DEPTOR: variants seen among roughly 807,000 people sequenced by gnomAD.
DEPTOR encodes the protein DEP domain-containing mTOR-interacting protein.
Under a neutral mutation model 41.6 loss-of-function variants are expected in DEPTOR, and 41 were observed. That is an observed-to-expected ratio of 0.98 (90% confidence interval 0.77 to 1.28). DEPTOR has a LOEUF of 1.28. Among genes scored for constraint, DEPTOR ranks in the 50% most tolerant of loss-of-function variants. The pLI is 0.00. For synonymous variants in DEPTOR, 195 were observed against 192.3 expected (o/e 1.01, Z -0.12); for missense variants, 514 against 527.9 (o/e 0.97, Z 0.26).
chr8:119,958,492 T>G (rs1455261657), intron 3 of DEPTOR, among the ~76,000 whole-genome samples: 1 of 151,728 alleles, frequency 6.6e-6, no homozygotes, highest in Non-Finnish European at 1.5e-5. Flanking sequence ...ACCTTAGAAG[T>G]TGCATAACGT....
intron 5 of DEPTOR, among the ~76,000 whole-genome samples, 186 bp from the exon 6 acceptor site, chr8:120,002,791 A>ATATATATATATATATATATATATAT (rs1554584639): frequency 1.6e-5 from 1 of 60,672 alleles, no homozygotes; most frequent in Non-Finnish European, 2.9e-5. Flanking sequence ...AAAAAAAAAA[A>ATATATATATATATATATATATATAT]ATATATATAT....
intron 1 of DEPTOR, among the ~76,000 whole-genome samples, chr8:119,917,670 C>T (rs183085811): frequency 1.3e-5 from 2 of 152,260 alleles, no homozygotes; most frequent in Non-Finnish European, 2.9e-5. Flanking sequence ...AATATGGCCT[C>T]GTGGGAAGGG....
chr8:119,920,556 A>G (rs1827876900), intron 1 of DEPTOR, among the ~76,000 whole-genome samples: 1 of 152,234 alleles, frequency 6.6e-6, no homozygotes, highest in Admixed American at 6.5e-5. Flanking sequence ...CATTCTAAGC[A>G]GAGGCATGGA....
chr8:119,920,065 A>T (rs1326812746), intron 1 of DEPTOR, among the ~76,000 whole-genome samples: 1 of 151,844 alleles, frequency 6.6e-6, no homozygotes, highest in Non-Finnish European at 1.5e-5. Context: ...AAGCCTGTGA[A>T]CCAGCTGTCT....
chr8:120,011,367 C>T (rs554561546), intron 8 of DEPTOR, among the ~76,000 whole-genome samples: 13 of 152,286 alleles, frequency 8.5e-5, no homozygotes, highest in South Asian at 4.2e-4. Context: ...TCTACCTTCC[C>T]AGGACTGCAG....
intron 1 of DEPTOR, among the ~76,000 whole-genome samples, chr8:119,880,744 G>A (rs893295768): frequency 3.3e-5 from 5 of 152,078 alleles, no homozygotes; most frequent in African/African-American, 1.2e-4. Flanking sequence ...AAGTGAATTT[G>A]GACTCCACTG....
At chr8:119,939,093 A>T (rs1828167198) in intron 3 of DEPTOR, among the ~76,000 whole-genome samples, 1 of 152,116 alleles carries the variant, frequency 6.6e-6, no homozygotes, top group African/African-American at 2.4e-5. Context: ...ACATAAAGCA[A>T]ACTCAGTGTT....
intron 3 of DEPTOR, among the ~76,000 whole-genome samples, chr8:119,958,487 A>G (rs1828446751): frequency 6.6e-6 from 1 of 151,988 alleles, no homozygotes; most frequent in South Asian, 2.1e-4. Context: ...TTATCACCTT[A>G]GAAGTTGCAT....
At chr8:120,017,679 G>A (rs1456973436) in intron 8 of DEPTOR, among the ~76,000 whole-genome samples, 1 of 152,194 alleles carries the variant, frequency 6.6e-6, no homozygotes, top group Non-Finnish European at 1.5e-5. Context: ...TCAAACACTC[G>A]TCAGAGCAAA....
chr8:119,946,216 C>T (rs115198953), intron 3 of DEPTOR, among the ~76,000 whole-genome samples: 2,645 of 152,214 alleles, frequency 0.017, 70 homozygotes, highest in African/African-American at 0.061. Context: ...TTAATAATTT[C>T]AGACCCCCTA....
Position 119,966,065 on chromosome 8 carries a change from A to G in DEPTOR, c.604+655A>G, listed in dbSNP as rs76771515. Among the ~76,000 whole-genome samples, 732 of 152,308 alleles carry G rather than the reference A, an allele frequency of 4.8e-3. 5 individuals are homozygous for G. Among genetic ancestry groups the G allele is most frequent in the African/African-American group, 0.016 (650 of 41,564 alleles). ...ACACACACACAGACATTTTTTCATC[A>G]TTATTCCCTAAACAGTACAATGTAA... On this transcript the variant is annotated intron_variant, in intron 4 of 8. Coordinates refer to ENST00000286234, the MANE Select transcript of DEPTOR (RefSeq NM_022783.4).
chr8:119,978,936 A>G (rs1828729018), intron 4 of DEPTOR, among the ~76,000 whole-genome samples: 1 of 113,484 alleles, frequency 8.8e-6, no homozygotes, highest in Non-Finnish European at 1.9e-5. Flanking sequence ...CCTTCTTTCT[A>G]TCTTCCCTCT....
chr8:119,884,738 T>G (rs1827342341), intron 1 of DEPTOR, among the ~76,000 whole-genome samples: 1 of 151,922 alleles, frequency 6.6e-6, no homozygotes, highest in Non-Finnish European at 1.5e-5. Context: ...GTTTTTCTTT[T>G]TTGGAGATAG....
intron 1 of DEPTOR, among the ~76,000 whole-genome samples, chr8:119,921,749 T>TTTTG (rs1827897268): frequency 7.9e-6 from 1 of 125,930 alleles, no homozygotes; most frequent in Admixed American, 7.8e-5. Context: ...TATTCTGTAG[T>TTTTG]TTTTTTTTTT....
chr8:119,932,339 G>T (rs147076738), intron 3 of DEPTOR, among the ~76,000 whole-genome samples: 53 of 152,240 alleles, frequency 3.5e-4, no homozygotes, highest in African/African-American at 9.9e-4. Context: ...ACACTGTGGG[G>T]CAGGGATCAG....
At chr8:119,973,021 C>T (rs1828653708) in intron 4 of DEPTOR, among the ~76,000 whole-genome samples, 1 of 151,534 alleles carries the variant, frequency 6.6e-6, no homozygotes, top group Admixed American at 6.6e-5. Flanking sequence ...CTTACCACAA[C>T]CTTCGCCTCC....
At chr8:119,956,341 G>A (rs1828416401) in intron 3 of DEPTOR, among the ~76,000 whole-genome samples, 1 of 152,204 alleles carries the variant, frequency 6.6e-6, no homozygotes, top group Admixed American at 6.5e-5. Context: ...GAAGCGCTAA[G>A]GCTGGTGGAG....
chr8:119,946,332 G>A (rs1221820023), intron 3 of DEPTOR, among the ~76,000 whole-genome samples: 1 of 151,752 alleles, frequency 6.6e-6, no homozygotes, highest in Admixed American at 6.6e-5. Context: ...TAAATTTATT[G>A]AAATGTAATC....
At chr8:119,907,945 T>C (rs980225615) in intron 1 of DEPTOR, among the ~76,000 whole-genome samples, 1 of 152,188 alleles carries the variant, frequency 6.6e-6, no homozygotes, top group African/African-American at 2.4e-5. Flanking sequence ...TAAGCCCTTA[T>C]TAGCACAACT....
Sources: allele counts gnomAD v4.1 joint callset (sites outside exome capture counted in the v4.1 genomes callset), GRCh38; gene constraint gnomAD v4.1.1; transcripts MANE v1.5; gene names NCBI Gene and HGNC (gene_info 2026-07-23, HGNC 2026-07-21).